Variants in RBFOX1 observed in about 807,000 individuals in gnomAD.
RBFOX1 encodes RNA binding protein fox-1 homolog 1.
RBFOX1 carries 8 observed loss-of-function variants against 57.7 expected under a neutral mutation model. The observed-to-expected ratio is 0.14, with a 90% CI of 0.08 to 0.25. The LOEUF (loss-of-function observed/expected upper bound fraction) is 0.25, where lower values mean the gene tolerates loss of function less well. Among genes scored for constraint, RBFOX1 ranks in the 10% least tolerant of loss-of-function variants. The probability of loss-of-function intolerance (pLI) is 1.00; values close to 1 mark genes in which losing one functional copy is unlikely to be tolerated. For missense variants in RBFOX1, 611 were observed against 548.5 expected (o/e 1.11, Z -1.14); for synonymous variants, 326 against 222.4 (o/e 1.47, Z -4.15).
intron 3 of RBFOX1, among the ~76,000 whole-genome samples, chr16:6,685,076 C>G (rs1320600329): frequency 6.6e-6 from 1 of 152,084 alleles, no homozygotes; most frequent in East Asian, 1.9e-4. Context: ...AAATTCAAAC[C>G]TCCATCCCTC....
chr16:7,416,400 C>T (rs2098478218), intron 4 of RBFOX1, among the ~76,000 whole-genome samples: 1 of 152,184 alleles, frequency 6.6e-6, no homozygotes, highest in Non-Finnish European at 1.5e-5. Context: ...CTCTCTCATG[C>T]TTACTGATAT....
chr16:7,065,272 C>T (rs1187048643), intron 4 of RBFOX1, among the ~76,000 whole-genome samples: 1 of 152,130 alleles, frequency 6.6e-6, no homozygotes, highest in East Asian at 1.9e-4. Flanking sequence ...GTAGAAGGTG[C>T]CCGTGTGGTC....
intron 4 of RBFOX1, among the ~76,000 whole-genome samples, chr16:7,492,709 G>GTCTT (rs374830729): frequency 6.6e-6 from 1 of 151,958 alleles, no homozygotes; most frequent in Admixed American, 6.6e-5. Flanking sequence ...GGTGGTAGTG[G>GTCTT]CATGATAGTG....
intron 3 of RBFOX1, among the ~76,000 whole-genome samples, chr16:6,889,711 C>G (rs572007222): frequency 3.9e-5 from 6 of 152,212 alleles, no homozygotes; most frequent in South Asian, 2.1e-4. Context: ...TCTTGAAGAG[C>G]TATATTGAAA....
intron 2 of RBFOX1, among the ~76,000 whole-genome samples, chr16:6,365,332 GTGGA>G (rs373805599): frequency 0.023 from 3,411 of 149,312 alleles, 73 homozygotes; most frequent in Non-Finnish European, 0.035. Flanking sequence ...GGATGGGTGG[GTGGA>G]TGGATGGATG....
intron 4 of RBFOX1, among the ~76,000 whole-genome samples, chr16:7,207,188 T>G (rs1267982465): frequency 6.6e-6 from 1 of 152,218 alleles, no homozygotes; most frequent in East Asian, 1.9e-4. Context: ...GCATCTTCAT[T>G]ACCTTTGTGT....
chr16:7,382,317 C>G (rs748832011), intron 4 of RBFOX1, among the ~76,000 whole-genome samples: 6 of 152,160 alleles, frequency 3.9e-5, no homozygotes, highest in South Asian at 2.1e-4. Flanking sequence ...TTAAAGCTAT[C>G]CACAGCCCTC....
chr16:6,394,900 T>A (rs532678908), intron 2 of RBFOX1, among the ~76,000 whole-genome samples: 6 of 152,188 alleles, frequency 3.9e-5, no homozygotes, highest in Non-Finnish European at 8.8e-5. Context: ...AAACTAGCAC[T>A]ATTAAGCGTG....
At chr16:6,371,091 T>G (rs1488110310) in intron 2 of RBFOX1, among the ~76,000 whole-genome samples, 1 of 152,212 alleles carries the variant, frequency 6.6e-6, no homozygotes, top group Non-Finnish European at 1.5e-5. Flanking sequence ...TGTCTATTAT[T>G]GGTGATATTA....
At chr16:6,086,591 C>G (rs1322382054) in intron 1 of RBFOX1, among the ~76,000 whole-genome samples, 1 of 152,166 alleles carries the variant, frequency 6.6e-6, no homozygotes, top group Non-Finnish European at 1.5e-5. Flanking sequence ...CAAGTCTATA[C>G]TGCTGACTGG....
At chr16:5,692,168 TGTGTGTGTGTG>T (rs749461335) in intron 3 of RBFOX1, among the ~76,000 whole-genome samples, 19,577 of 143,472 alleles carry the variant, frequency 0.14, 1,585 homozygotes, top group East Asian at 0.27. Flanking sequence ...GGACTGACTG[TGTGTGTGTGTG>T]TGTGTGTGTG....
chr16:5,463,566 G>A (rs902111873), intron 1 of RBFOX1, among the ~76,000 whole-genome samples: 3 of 152,108 alleles, frequency 2.0e-5, no homozygotes, highest in East Asian at 3.9e-4. Context: ...TTGGGAGGCC[G>A]AGGCAGGCGG....
chr16:5,413,312 T>G (rs2067073937), intron 1 of RBFOX1, among the ~76,000 whole-genome samples: 1 of 152,238 alleles, frequency 6.6e-6, no homozygotes, highest in South Asian at 2.1e-4. Context: ...CCTTTTTCTT[T>G]CTTTCGTTTC....
intron 1 of RBFOX1, among the ~76,000 whole-genome samples, chr16:5,352,993 A>G (rs1393539856): frequency 1.3e-5 from 2 of 152,090 alleles, no homozygotes; most frequent in Non-Finnish European, 2.9e-5. Flanking sequence ...AAATTCCCCA[A>G]TTTTTCTGAT....
At chr16:7,158,045 C>A (rs1272781132) in intron 4 of RBFOX1, among the ~76,000 whole-genome samples, 2 of 152,076 alleles carry the variant, frequency 1.3e-5, no homozygotes, top group Admixed American at 6.6e-5. Flanking sequence ...CCAATAGTAA[C>A]ATCTTGAAAA....
At chr16:7,400,033 C>T (rs1568638356) in intron 4 of RBFOX1, among the ~76,000 whole-genome samples, 1 of 152,056 alleles carries the variant, frequency 6.6e-6, no homozygotes, top group Non-Finnish European at 1.5e-5. Flanking sequence ...GGATTATGGC[C>T]TTCTCTGATT....
At chr16:7,663,975 C>G (rs71374962) in intron 12 of RBFOX1, among the ~76,000 whole-genome samples, 7 of 152,300 alleles carry the variant, frequency 4.6e-5, no homozygotes, top group South Asian at 2.1e-4. Flanking sequence ...CCCCAGCCCT[C>G]TGAAGTCTCT....
intron 2 of RBFOX1, among the ~76,000 whole-genome samples, chr16:5,571,292 C>T (rs1156329727): frequency 7.2e-6 from 1 of 139,522 alleles, no homozygotes; most frequent in African/African-American, 2.7e-5. Context: ...GTGATCTCAG[C>T]TCACTGCAGC....
chr16:7,332,958 T>G, intron 4 of RBFOX1: 1 of 1,612,586 alleles, frequency 6.2e-7, no homozygotes, highest in Non-Finnish European at 8.5e-7. Context: ...TAACTCTCCA[T>G]TGATGTGTTG....
Sources: allele counts gnomAD v4.1 joint callset (sites outside exome capture counted in the v4.1 genomes callset), GRCh38; gene constraint gnomAD v4.1.1; transcripts MANE v1.5; gene names NCBI Gene and HGNC (gene_info 2026-07-23, HGNC 2026-07-21).